Variants in TNS1 observed in about 807,000 individuals in gnomAD.
The protein encoded by TNS1 is tensin 1.
A neutral mutation model predicts 168.6 loss-of-function variants in TNS1; 62 were observed. The ratio of observed to expected loss-of-function variants is 0.37; its 90% CI spans 0.30 to 0.45. The LOEUF is 0.45. Among genes scored for constraint, TNS1 ranks in the 20% least tolerant of loss-of-function variants. The pLI is 1.00. For synonymous variants in TNS1, 934 were observed against 933.2 expected, an observed-to-expected ratio of 1.00 and a Z score of -0.02; for missense variants, 2,240 against 2,339.4, an observed-to-expected ratio of 0.96 and a Z score of 0.88.
Position 217,937,766 on chromosome 2 carries a change from G to C in TNS1, c.187-17530C>G, listed in dbSNP as rs552791601. Among the ~76,000 whole-genome samples the C allele has an allele frequency of 7.2e-5, 11 of 152,248 alleles. No homozygotes were observed. The East Asian group carries it at 1.7e-3, about 24-fold the overall frequency. On this transcript the variant is annotated intron_variant, in intron 3 of 32. Transcript: ENST00000682258. The stretch of plus-strand genomic sequence containing the variant: ...GAGGCCCAGCGAGAGAAGGGACTCA[G>C]GTGGGACTCCTCCAGAGGCTAGGGA...
intron 3 of TNS1, among the ~76,000 whole-genome samples, chr2:217,940,768 A>G (rs1402926326): frequency 6.6e-6 from 1 of 152,026 alleles, no homozygotes; most frequent in Non-Finnish European, 1.5e-5. Flanking sequence ...GCTGTGGAGG[A>G]GGCTGGCTGG....
At chr2:217,827,310 C>T (rs1943762737) in intron 22 of TNS1, among the ~76,000 whole-genome samples, 1 of 152,178 alleles carries the variant, frequency 6.6e-6, no homozygotes, top group Non-Finnish European at 1.5e-5. Flanking sequence ...TTCTTTTCCC[C>T]AAGCCGAATA....
intron 12 of TNS1, chr2:217,890,391 A>G (rs1159256736): frequency 6.6e-6 from 1 of 152,670 alleles, no homozygotes; most frequent in African/African-American, 2.4e-5. Flanking sequence ...GTTCACCCAG[A>G]TATCTCAGTG....
chr2:217,920,138 G>A, intron 4 of TNS1, 57 bp downstream of exon 4: 1 of 702,908 alleles, frequency 1.4e-6, no homozygotes, highest in South Asian at 1.5e-5. Context: ...GCTGCAGCTG[G>A]GAGCTGCGGA....
chr2:217,966,306 T>TGCGCGC (rs1467919727), intron 3 of TNS1, among the ~76,000 whole-genome samples: 3 of 135,226 alleles, frequency 2.2e-5, no homozygotes, highest in East Asian at 4.4e-4. Context: ...TGTGTGTGTG[T>TGCGCGC]GTGCGCGCGC....
At chr2:217,819,365 G>A (rs116274061) in intron 23 of TNS1, among the ~76,000 whole-genome samples, 1,997 of 152,302 alleles carry the variant, frequency 0.013, 35 homozygotes, top group African/African-American at 0.045. Flanking sequence ...TGGGGATGTG[G>A]CCACCAATGG....
chr2:217,809,525 GTGC>G (rs1940320903), intron 30 of TNS1, among the ~76,000 whole-genome samples: 48 of 16,288 alleles, frequency 2.9e-3, no homozygotes, highest in Middle Eastern at 0.05. Flanking sequence ...GGATGGATAG[GTGC>G]ATGGATGGAT....
At chr2:217,811,157 G>A (rs1306468296) in intron 28 of TNS1, among the ~76,000 whole-genome samples, 1 of 152,120 alleles carries the variant, frequency 6.6e-6, no homozygotes, top group Admixed American at 6.5e-5. Flanking sequence ...TGAAATTATA[G>A]GCATGAACCA....
intron 4 of TNS1, among the ~76,000 whole-genome samples, chr2:217,915,490 T>C (rs1050900588): frequency 2.0e-5 from 3 of 152,084 alleles, no homozygotes; most frequent in African/African-American, 4.8e-5. Context: ...CCCCAGCACG[T>C]AGAACAGTGC....
At chr2:217,819,384 G>T (rs749681492) in intron 23 of TNS1, among the ~76,000 whole-genome samples, 8 of 152,206 alleles carry the variant, frequency 5.3e-5, no homozygotes, top group Non-Finnish European at 7.3e-5. Context: ...GGAGAAAGCT[G>T]TCTTGCATGG....
chr2:217,886,578 T>A lies in TNS1; in HGVS notation c.935A>T (p.His312Leu), dbSNP rs781544708. The A allele has an allele frequency of 1.9e-6, 3 of 1,606,144 alleles. No homozygotes were observed. The highest frequency in any genetic ancestry group is 8.5e-7 in the Non-Finnish European group (1 of 1,176,770). ...GGGGATGCCGTGCATGATCACGTGGTGCAGAAACAAGGGCTTGTTGTTCAT... is the reference window on the plus strand; with the variant it reads ...GGGGATGCCGTGCATGATCACGTGGAGCAGAAACAAGGGCTTGTTGTTCAT... The part of the protein sequence containing the change: ...IKMNNKPLFL[H>L]HVIMHGIPNF... Residue 312 changes from histidine (H) to leucine (L), a missense_variant, in exon 13 of 33, where the codon CAC becomes CTC. Coordinates refer to ENST00000682258, the MANE Select transcript of TNS1 (RefSeq NM_001387777.1).
intron 19 of TNS1, chr2:217,842,079 T>C (rs1173079181): frequency 2.8e-6 from 2 of 703,076 alleles, no homozygotes; most frequent in South Asian, 1.5e-5. Context: ...AGCTGCTCCA[T>C]GCCAGTTCCT....
intron 18 of TNS1, among the ~76,000 whole-genome samples, chr2:217,865,242 G>C (rs898371104): frequency 1.3e-5 from 2 of 152,178 alleles, no homozygotes; most frequent in Non-Finnish European, 2.9e-5. Flanking sequence ...GAGGATCTGG[G>C]TGGGTATCTG....
In TNS1 at chr2:217,813,237, G is replaced by A; in HGVS notation, c.4932C>T (p.Gly1644=). The change falls in exon 27 of 33, where the codon GGC becomes GGT. Residue 1644 remains glycine, a synonymous_variant. Transcript: ENST00000682258. The surrounding 1 kb of genome is among the most constrained non-coding windows in gnomAD (Gnocchi z 4.0). The part of the protein sequence containing the change: ...ETGPRGVKLK[G]CPNEPNFGSL... ...CACCGAAGTTTGGCTCATTGGGGCAGCCCTTGAGCTTGACTCCTCTGGGGC... is the reference window on the plus strand; with the variant it reads ...CACCGAAGTTTGGCTCATTGGGGCAACCCTTGAGCTTGACTCCTCTGGGGC... 2 of 1,603,712 alleles carry A rather than the reference G, an allele frequency of 1.2e-6. No individual in the cohort carries two copies. Among genetic ancestry groups the A allele is most frequent in the Non-Finnish European group, 1.7e-6 (2 of 1,174,472 alleles).
chr2:218,011,625 C>T (rs2106001334), upstream of TNS1, among the ~76,000 whole-genome samples: 1 of 152,230 alleles, frequency 6.6e-6, no homozygotes, highest in African/African-American at 2.4e-5. Context: ...CCCTTTCCCA[C>T]TGTGTGGGCG....
At position 218,028,196 on chromosome 2, in the gene TNS1, A is replaced by C. The variant is rs143121071; in HGVS notation, c.156+5624T>G. Among the ~76,000 whole-genome samples the C allele has an allele frequency of 1.3e-3, 200 of 152,246 alleles. 1 individual carries two copies. Among genetic ancestry groups the C allele is most frequent in the African/African-American group, 4.4e-3 (183 of 41,534 alleles). ...TTCACCTGACCCTGCACACATTCTT[A>C]TCTGACTTCCAGCCATGCATGAGCT... On this transcript the variant is annotated intron_variant, in intron 1 of 1. Coordinates refer to the TNS1 transcript ENST00000649572.
chr2:217,946,731 C>T (rs984499006), intron 3 of TNS1, among the ~76,000 whole-genome samples: 6 of 151,936 alleles, frequency 3.9e-5, no homozygotes, highest in African/African-American at 1.5e-4. Context: ...CCATCCCCTA[C>T]CCCATCATCA....
chr2:217,836,306 C>T, intron 19 of TNS1, 95 bp from the exon 20 acceptor site: 1 of 1,258,638 alleles, frequency 7.9e-7, no homozygotes, highest in South Asian at 1.6e-5. Flanking sequence ...TGCCTCCTAG[C>T]TCAGAGGCCA....
intron 1 of TNS1, among the ~76,000 whole-genome samples, chr2:218,023,391 G>A (rs1958826254): frequency 6.6e-6 from 1 of 152,182 alleles, no homozygotes; most frequent in Non-Finnish European, 1.5e-5. Context: ...GGGCTGCTGT[G>A]AGCATCATGT....
Sources: gnomAD v4.1 joint callset for allele counts (sites outside exome capture counted in the v4.1 genomes callset) on GRCh38, gnomAD v4.1.1 for gene constraint, Gnocchi (gnomAD v3.1) non-coding constraint, MANE v1.5 for transcripts, NCBI Gene and HGNC (gene_info 2026-07-23, HGNC 2026-07-21) for gene names.